The following GCAT variants were observed in gnomAD, a reference collection of about 807,000 sequenced individuals.
The protein encoded by GCAT is 2-amino-3-ketobutyrate coenzyme A ligase, mitochondrial.
A neutral mutation model predicts 39.7 loss-of-function variants in GCAT; 26 were observed. The ratio of observed to expected loss-of-function variants is 0.65; its 90% CI spans 0.48 to 0.91. The LOEUF (loss-of-function observed/expected upper bound fraction) is 0.91. GCAT is among the 40% of genes least tolerant of loss of function. GCAT has a pLI of 0.00. For missense variants in GCAT, 550 were observed against 576.2 expected, an observed-to-expected ratio of 0.95 and a Z score of 0.47; for synonymous variants, 218 against 237.2, an observed-to-expected ratio of 0.92 and a Z score of 0.74.
chr22:37,813,082 C>A, intron 3 of GCAT, 94 bp downstream of exon 3: 1 of 895,974 alleles, frequency 1.1e-6, no homozygotes, highest in Non-Finnish European at 1.9e-6. Context: ...TAGCAGGATT[C>A]AGTGCCATGC....
At chr22:37,814,718 G>C (rs922378635) in intron 4 of GCAT, among the ~76,000 whole-genome samples, 4 of 152,084 alleles carry the variant, frequency 2.6e-5, no homozygotes, top group Non-Finnish European at 4.4e-5. Flanking sequence ...GGTGGGTCTC[G>C]AACCCGTAAG....
chr22:37,816,533 G>C (rs183265637), intron 8 of GCAT, 34 bp from the exon 9 acceptor site: 80 of 1,612,306 alleles, frequency 5.0e-5, no homozygotes, highest in Non-Finnish European at 6.5e-5. Context: ...CAAGCCTGTT[G>C]GTTCTGGCAC....
intron 6 of GCAT, 61 bp downstream of exon 6, chr22:37,815,561 C>A: frequency 6.6e-7 from 1 of 1,522,384 alleles, no homozygotes; most frequent in Non-Finnish European, 9.0e-7. Context: ...TGGAGGGGCT[C>A]AGGGAAGTGG....
intron 1 of GCAT, among the ~76,000 whole-genome samples, chr22:37,809,669 A>G (rs369854818): frequency 6.6e-6 from 1 of 152,026 alleles, no homozygotes; most frequent in South Asian, 2.1e-4. Flanking sequence ...AAAATAAAAA[A>G]ATTTAATCGG....
chr22:37,815,002 C>T, intron 4 of GCAT, 124 bp from the exon 5 acceptor site: 1 of 865,310 alleles, frequency 1.2e-6, no homozygotes, highest in Non-Finnish European at 1.8e-6. Context: ...ATGGTGGTAC[C>T]TCTGTGCCCA....
chr22:37,810,197 A>G (rs749966159), intron 2 of GCAT, 40 bp downstream of exon 2: 1 of 1,425,198 alleles, frequency 7.0e-7, no homozygotes, highest in Non-Finnish European at 9.9e-7. Context: ...GACTGACCCC[A>G]GCTGCCTGCT....
chr22:37,809,692 G>A (rs1921354271), intron 1 of GCAT, among the ~76,000 whole-genome samples: 1 of 151,994 alleles, frequency 6.6e-6, no homozygotes, highest in Non-Finnish European at 1.5e-5. Context: ...ATGGTGGCAC[G>A]CACCTGTAGT....
chr22:37,816,623 C>G lies in GCAT; in HGVS notation c.1165C>G (p.Arg389Gly), dbSNP rs372620795. The G allele has an allele frequency of 6.2e-7, 1 of 1,614,046 alleles. No homozygotes were observed. Among genetic ancestry groups the G allele is most frequent in the African/African-American group, 1.3e-5 (1 of 74,944 alleles). The stretch of plus-strand genomic sequence containing the variant: ...GGTCCCCAAGGGCAAGGCCCGGATC[C>G]GGGTACAGATCTCAGCAGTGCATAG... Reference protein sequence around the residue: ...PVVPKGKARIRVQISAVHSEE... With the variant: ...PVVPKGKARIGVQISAVHSEE... Residue 389 changes from arginine (R) to glycine (G), a missense_variant, in exon 9 of 9, where the codon CGG (arginine) becomes GGG (glycine). This residue lies in a region of GCAT where 378 missense variants were observed against 390.4 expected (regional missense o/e 0.97). Transcript: ENST00000248924.
chr22:37,809,456 G>C lies in GCAT; in HGVS notation c.197-571G>C, dbSNP rs115620722. On this transcript the variant is annotated intron_variant, in intron 1 of 8. Coordinates refer to ENST00000248924, the MANE Select transcript of GCAT (RefSeq NM_014291.4). ...CCAAGGGGTCAGATAAGGAGTCAGT[G>C]GTGGTCTTCAGGCACAGGAGAAGCC... 1.2e-3 allele frequency among the ~76,000 whole-genome samples: 176 copies of C among 152,250 alleles called. 1 individual carries two copies. Among genetic ancestry groups the C allele is most frequent in the African/African-American group, 3.9e-3 (163 of 41,548 alleles).
rs376802314 is a variant in GCAT at position 37,813,444 on chromosome 22, G to A, written c.430-19G>A. The A allele has an allele frequency of 9.2e-5, 145 of 1,580,510 alleles. 1 individual carries two copies. In the African/African-American group the frequency reaches 1.6e-3, roughly 18 times the overall value. On this transcript the variant is annotated intron_variant, in intron 3 of 8. Transcript: ENST00000248924. ...CAGGGTGGTTAAATGATGGCTCTACGCTCACTGCCTCCCTCCAGGCCCTGC... is the reference window on the plus strand; with the variant it reads ...CAGGGTGGTTAAATGATGGCTCTACACTCACTGCCTCCCTCCAGGCCCTGC...
At chr22:37,814,382 G>A (rs1297514847) in intron 4 of GCAT, among the ~76,000 whole-genome samples, 3 of 152,156 alleles carry the variant, frequency 2.0e-5, no homozygotes, top group African/African-American at 7.2e-5. Flanking sequence ...TCCTGCCTCA[G>A]CCTCTGGAGT....
rs1921832305 is a variant in GCAT, at chr22:37,813,506, A to G, written c.473A>G (p.Asn158Ser). ...PEDAVLSDEL[N>S]HASIIDGIRL... ...GACGCAGTCCTGTCGGACGAGCTGA[A>G]CCATGCCTCCATCATCGACGGCATC... Residue 158 changes from asparagine to serine, a missense_variant, in exon 4 of 9, where the codon AAC becomes AGC. Around this residue, in one of 3 missense-constraint regions of GCAT, gnomAD observed 378 missense variants for 390.4 expected, o/e 0.97. Coordinates refer to ENST00000248924, the MANE Select transcript of GCAT (RefSeq NM_014291.4). The G allele has an allele frequency of 1.2e-6, 2 of 1,611,972 alleles. No individual in the cohort carries two copies. Among genetic ancestry groups the G allele is most frequent in the Non-Finnish European group, 1.7e-6 (2 of 1,179,316 alleles).
Position 37,810,176 on chromosome 22 carries a change from G to C in GCAT, c.327+19G>C. The C allele has an allele frequency of 1.3e-6, 2 of 1,567,942 alleles. No individual in the cohort carries two copies. The highest frequency in any genetic ancestry group is 1.3e-5 in the African/African-American group (1 of 74,076). On this transcript the variant is annotated intron_variant, in intron 2 of 8. Transcript: ENST00000248924. ...AACCCAGGTACACAGTGAGTGGTGG[G>C]GGGTTGTGGGGACTGACCCCAGCTG...
intron 2 of GCAT, among the ~76,000 whole-genome samples, chr22:37,810,691 A>G (rs1207424651): frequency 3.3e-5 from 5 of 151,720 alleles, no homozygotes; most frequent in African/African-American, 9.7e-5. Context: ...AATTTTTTGT[A>G]TTTTTAGTAG....
chr22:37,813,439 T>C lies in GCAT; in HGVS notation c.430-24T>C, dbSNP rs776330604. On this transcript the variant is annotated intron_variant, in intron 3 of 8. Transcript: ENST00000248924. ...AAGCCCAGGGTGGTTAAATGATGGC[T>C]CTACGCTCACTGCCTCCCTCCAGGC... 3.2e-6 allele frequency: 5 copies of C among 1,575,128 alleles called. No individual in the cohort carries two copies. In the South Asian group the frequency reaches 4.6e-5, roughly 15 times the overall value.
At chr22:37,814,808 A>T (rs561938904) in intron 4 of GCAT, among the ~76,000 whole-genome samples, 18 of 152,338 alleles carry the variant, frequency 1.2e-4, no homozygotes, top group African/African-American at 4.3e-4. Context: ...TCTGTGTGGC[A>T]GGCCCTTGCT....
At chr22:37,812,257 A>G (rs1291566185) in intron 2 of GCAT, among the ~76,000 whole-genome samples, 4 of 151,820 alleles carry the variant, frequency 2.6e-5, no homozygotes, top group Non-Finnish European at 5.9e-5. Context: ...TGGGAGGATC[A>G]CTTGAGCCCA....
intron 3 of GCAT, 199 bp from the exon 4 acceptor site, chr22:37,813,264 C>A (rs1322076530): frequency 2.8e-6 from 2 of 713,902 alleles, no homozygotes; most frequent in Admixed American, 4.1e-5. Context: ...ATATTCTCAC[C>A]TCCTCTTACT....
chr22:37,812,838 C>A, intron 2 of GCAT, 49 bp from the exon 3 acceptor site: 1 of 1,297,000 alleles, frequency 7.7e-7, no homozygotes, highest in South Asian at 1.2e-5. Flanking sequence ...TCGAACTTGT[C>A]CCACATGACC....
Sources: allele counts gnomAD v4.1 joint callset (sites outside exome capture counted in the v4.1 genomes callset), GRCh38; gene constraint gnomAD v4.1.1; regional missense constraint gnomAD v4.1.1; transcripts MANE v1.5; gene names NCBI Gene and HGNC (gene_info 2026-07-23, HGNC 2026-07-21).